The following FN1 variants were observed in gnomAD, a reference collection of about 807,000 sequenced individuals.
FN1 encodes fibronectin 1.
Under a neutral mutation model 297.3 loss-of-function variants are expected in FN1, and 106 were observed. That is an observed-to-expected ratio of 0.36 (90% CI 0.30 to 0.42). The LOEUF is 0.42. FN1 is among the 10% of genes least tolerant of loss of function. The probability of loss-of-function intolerance (pLI) is 1.00; values close to 1 mark genes in which losing one functional copy is unlikely to be tolerated. For missense variants in FN1, 2,690 were observed against 3,124.9 expected (o/e 0.86, Z 3.32); for synonymous variants, 1,149 against 1,152.6 (o/e 1.00, Z 0.06).
intron 14 of FN1, 64 bp from the exon 15 acceptor site, chr2:215,409,803 G>A (rs1225370019): frequency 1.4e-5 from 22 of 1,594,238 alleles, no homozygotes; most frequent in East Asian, 1.1e-4. Flanking sequence ...CGTCCTCGTC[G>A]CCAACATCAT....
chr2:215,393,257 AAAAG>A (rs1487756608), intron 24 of FN1, 54 bp from the exon 25 acceptor site: 2 of 1,575,866 alleles, frequency 1.3e-6, no homozygotes, highest in Non-Finnish European at 8.7e-7. Context: ...TAGAGGGAAA[AAAAG>A]AGGAAAAAAT....
In FN1 at chr2:215,410,017, T is replaced by G; in HGVS notation, c.2039A>C (p.Gln680Pro). 1 of 1,614,052 alleles carries G rather than the reference T, an allele frequency of 6.2e-7. No homozygotes were observed. The highest frequency in any genetic ancestry group is 8.5e-7 in the Non-Finnish European group (1 of 1,180,020). ...GCCGTACTGCTGGATGCTGATGAGC[T>G]GGCCCTCGTATACCACACCAGGCTT... ...GLKPGVVYEG[Q>P]LISIQQYGHQ... Residue 680 changes from glutamine (Q) to proline (P), a missense_variant, in exon 14 of 46, where the codon CAG becomes CCG. Transcript: ENST00000354785.
At chr2:215,371,130 C>T (rs933035966) in intron 40 of FN1, among the ~76,000 whole-genome samples, 3 of 151,776 alleles carry the variant, frequency 2.0e-5, no homozygotes, top group Admixed American at 6.6e-5. Context: ...TAGCTGGGTG[C>T]GGTGGCACAT....
At chr2:215,427,166 C>T (rs1383579635) in intron 6 of FN1, among the ~76,000 whole-genome samples, 3 of 152,106 alleles carry the variant, frequency 2.0e-5, no homozygotes, top group Non-Finnish European at 4.4e-5. Flanking sequence ...TGAGCCACCG[C>T]GCGTGGCCGA....
In FN1 at chr2:215,420,287, C is replaced by T. The variant is rs150497621; in HGVS notation, c.1675+386G>A. Among the ~76,000 whole-genome samples, 1,337 of 151,506 alleles carry T rather than the reference C, an allele frequency of 8.8e-3. 32 individuals are homozygous for T. Among genetic ancestry groups the T allele is most frequent in the African/African-American group, 0.031 (1,268 of 41,300 alleles). ...CCAGGAAGCAGAGGTTGCAGTGAGC[C>T]GAGATTGTGCCATACACTCCAGCCT... On this transcript the variant is annotated intron_variant, in intron 11 of 45. Transcript: ENST00000354785.
intron 42 of FN1, chr2:215,367,623 T>A: frequency 3.7e-6 from 2 of 536,870 alleles, no homozygotes; most frequent in South Asian, 4.1e-5. Flanking sequence ...CACCATAATC[T>A]TATGTGTAAT....
At chr2:215,371,738 C>T in intron 40 of FN1, 171 bp downstream of exon 40, 2 of 596,248 alleles carry the variant, frequency 3.4e-6, no homozygotes, top group Non-Finnish European at 6.1e-6. Flanking sequence ...GTCTTGAACT[C>T]CTAACCTCAA....
At position 215,383,395 on chromosome 2, in the gene FN1, AG is replaced by A; in HGVS notation, c.4982del (p.Thr1661MetfsTer5). 6.2e-7 allele frequency: 1 copy of A among 1,614,008 alleles called. No individual in the cohort carries two copies. The highest frequency in any genetic ancestry group is 8.5e-7 in the Non-Finnish European group (1 of 1,179,856). On this transcript the variant is annotated frameshift_variant, in exon 31 of 46. Coordinates refer to ENST00000354785, the MANE Select transcript of FN1 (RefSeq NM_212482.4). LOFTEE classifies it high-confidence loss of function. ...TGGGAGTGGTGGTTACTCTGTAACC[AG>A]TAACAGGGGAACTTGAAGGCAGCCA... is the stretch of plus-strand genomic sequence containing the variant. ...VKWLPSSSPV[T>X]GYRVTTTPKN... is the part of the protein sequence containing the mutation.
At chr2:215,373,756 T>C (rs2056729967) in intron 38 of FN1, among the ~76,000 whole-genome samples, 1 of 146,476 alleles carries the variant, frequency 6.8e-6, no homozygotes, top group Admixed American at 7.1e-5. Context: ...CTCGGCTCAC[T>C]GCAAGCTCCG....
chr2:215,365,832 GTC>G, intron 42 of FN1: 1 of 242,464 alleles, frequency 4.1e-6, no homozygotes, highest in African/African-American at 2.4e-5. Context: ...TTGAGACAAA[GTC>G]TTTCTCTGTC....
At chr2:215,415,389 A>T (rs922579908) in intron 12 of FN1, among the ~76,000 whole-genome samples, 3 of 152,200 alleles carry the variant, frequency 2.0e-5, no homozygotes, top group Admixed American at 1.3e-4. Context: ...TCAAGAATGA[A>T]TCTACTACCT....
At chr2:215,398,475 G>A (rs547485556) in intron 21 of FN1, among the ~76,000 whole-genome samples, 1 of 152,184 alleles carries the variant, frequency 6.6e-6, no homozygotes, top group South Asian at 2.1e-4. Context: ...ACATCATAAG[G>A]CTTCTGAAAG....
In FN1 at chr2:215,394,410, G is replaced by C. The variant is rs1287808019; in HGVS notation, c.3796+118C>G. 3 of 917,232 alleles carry C rather than the reference G, an allele frequency of 3.3e-6. No individual in the cohort carries two copies. In the South Asian group the frequency reaches 4.0e-5, roughly 12 times the overall value. 56.8% of individuals were successfully genotyped at this position (917,232 alleles called of 1,614,324 possible). On this transcript the variant is annotated intron_variant, in intron 24 of 45. Coordinates refer to ENST00000354785, the MANE Select transcript of FN1 (RefSeq NM_212482.4). ...TCTTGGTTTTGGAAAGTGCAGCTGG[G>C]AGATCGGAATTAAATCCCAAATATA... is the stretch of plus-strand genomic sequence containing the variant.
Position 215,367,939 on chromosome 2 carries a change from T to C in FN1, c.6942A>G (p.Arg2314=). 6.2e-7 allele frequency: 1 copy of C among 1,614,048 alleles called. No individual in the cohort carries two copies. Among genetic ancestry groups the C allele is most frequent in the Non-Finnish European group, 8.5e-7 (1 of 1,179,914 alleles). ...SHYAVGDEWE[R]MSESGFKLLC... is the part of the protein sequence containing the mutation. ...ACAGTTTAAAGCCTGATTCAGACATTCGTTCCCACTCATCTCCAACGGCAT... is the reference window on the plus strand; with the variant it reads ...ACAGTTTAAAGCCTGATTCAGACATCCGTTCCCACTCATCTCCAACGGCAT... The change falls in exon 42 of 46, where the codon CGA becomes CGG. Residue 2314 remains arginine (R), a synonymous_variant. Transcript: ENST00000354785.
At position 215,365,595 on chromosome 2, in the gene FN1, C is replaced by T. The variant is rs1358863047; in HGVS notation, c.7054G>A (p.Gly2352Arg). ...CHDNGVNYKI[G>R]EKWDRQGENG... ...TCTCCCTGACGGTCCCACTTCTCTC[C>T]AATCTTGTAGTTCACACCATTGTCA... Residue 2352 changes from glycine (G) to arginine (R), a missense_variant, in exon 43 of 46, where the codon GGA (glycine) becomes AGA (arginine). Gly to Arg is a moderately radical substitution (Grantham distance 125). Transcript: ENST00000354785. 2.5e-6 allele frequency: 4 copies of T among 1,613,916 alleles called. No individual in the cohort carries two copies. In the African/African-American group the frequency reaches 5.3e-5, roughly 22 times the overall value.
Position 215,409,570 on chromosome 2 carries a change from C to G in FN1, c.2292G>C (p.Gln764His), listed in dbSNP as rs778208519. ...YELSEEGDEP[Q>H]YLDLPSTATS... ...GCGACATATTGAGCTTACCCAGGTA[C>G]TGTGGCTCATCTCCCTCCTCACTCA... The change falls in exon 15 of 46, where the codon CAG (glutamine) becomes CAC (histidine). Residue 764 changes from glutamine to histidine, a missense_variant. By Grantham distance (24) the Gln-to-His change is conservative (BLOSUM62 0). Transcript: ENST00000354785. 1.8e-5 allele frequency: 29 copies of G among 1,613,280 alleles called. No individual in the cohort carries two copies. Among genetic ancestry groups the G allele is most frequent in the Non-Finnish European group, 2.5e-5 (29 of 1,180,024 alleles).
intron 35 of FN1, among the ~76,000 whole-genome samples, chr2:215,377,878 A>G (rs2057590723): frequency 6.6e-6 from 1 of 152,254 alleles, no homozygotes; most frequent in African/African-American, 2.4e-5. Flanking sequence ...GGAGTATAAA[A>G]GATGACAGTC....
chr2:215,435,515 T>G (rs1038504042), intron 1 of FN1, 140 bp downstream of exon 1: 3 of 1,275,980 alleles, frequency 2.4e-6, no homozygotes, highest in Non-Finnish European at 3.3e-6. Context: ...TCGGTCCTTT[T>G]GTGTGCACAG....
chr2:215,420,213 C>A (rs1444266322), intron 11 of FN1, among the ~76,000 whole-genome samples: 1 of 152,116 alleles, frequency 6.6e-6, no homozygotes, highest in Non-Finnish European at 1.5e-5. Flanking sequence ...GTGGCGCATG[C>A]CTGTAATCCC....
Sources: gnomAD v4.1 joint callset for allele counts (sites outside exome capture counted in the v4.1 genomes callset) on GRCh38, gnomAD v4.1.1 for gene constraint, MANE v1.5 for transcripts, NCBI Gene and HGNC (gene_info 2026-07-23, HGNC 2026-07-21) for gene names.